SLC24A2: variants seen among roughly 807,000 people sequenced by gnomAD.
The protein encoded by SLC24A2 is solute carrier family 24 member 2.
A neutral mutation model predicts 62.0 loss-of-function variants in SLC24A2; 36 were observed. That is an observed-to-expected ratio of 0.58 (90% CI 0.44 to 0.77). SLC24A2 has a LOEUF of 0.77. Ranked by LOEUF, SLC24A2 falls within the 30% of genes least tolerant of loss-of-function variation. SLC24A2 has a pLI of 0.00. For missense variants in SLC24A2, 846 were observed against 817.9 expected (o/e 1.03, Z -0.42); for synonymous variants, 358 against 294.0 (o/e 1.22, Z -2.23).
the SLC24A2 span, among the ~76,000 whole-genome samples, chr9:19,850,969 A>G: frequency 0.015 from 554 of 36,302 alleles, 24 homozygotes; most frequent in African/African-American, 0.062. Context: ...ATATATATGT[A>G]TATATATATA....
At chr9:19,788,472 G>A in intron 1 of SLC24A2, 1 of 980,738 alleles carries the variant, frequency 1.0e-6, no homozygotes, top group Non-Finnish European at 1.2e-6. Flanking sequence ...TGCCTTGCGT[G>A]GTCCCAAACT....
the SLC24A2 span, among the ~76,000 whole-genome samples, chr9:20,185,084 T>C: frequency 6.6e-6 from 1 of 152,064 alleles, no homozygotes; most frequent in Non-Finnish European, 1.5e-5. Context: ...GTTATCTGTG[T>C]TGAGCAGGGA....
At chr9:19,646,200 G>A (rs553786550) in intron 2 of SLC24A2, among the ~76,000 whole-genome samples, 3 of 152,122 alleles carry the variant, frequency 2.0e-5, no homozygotes, top group African/African-American at 7.2e-5. Flanking sequence ...AGTATGTTCT[G>A]GTGCCTATAA....
At chr9:20,138,595 T>C in the SLC24A2 span, among the ~76,000 whole-genome samples, 1 of 152,208 alleles carries the variant, frequency 6.6e-6, no homozygotes, top group East Asian at 1.9e-4. Flanking sequence ...TTACCTCAGC[T>C]TTGTACGGAA....
At chr9:19,542,764 C>G (rs938798188) in intron 8 of SLC24A2, among the ~76,000 whole-genome samples, 2 of 152,170 alleles carry the variant, frequency 1.3e-5, no homozygotes, top group Non-Finnish European at 1.5e-5. Flanking sequence ...GTTGAACCAG[C>G]CTTGCATCCC....
the SLC24A2 span, among the ~76,000 whole-genome samples, chr9:20,203,748 G>T: frequency 6.6e-6 from 1 of 151,974 alleles, no homozygotes; most frequent in Admixed American, 6.6e-5. Flanking sequence ...AAATTAGCTG[G>T]GTGTGGTGAC....
At chr9:19,964,741 C>T in the SLC24A2 span, among the ~76,000 whole-genome samples, 10 of 152,338 alleles carry the variant, frequency 6.6e-5, no homozygotes, top group East Asian at 1.4e-3. Flanking sequence ...GTGTGTGGGG[C>T]TGCTAACTCA....
chr9:19,870,444 A>T, the SLC24A2 span, among the ~76,000 whole-genome samples: 3 of 152,262 alleles, frequency 2.0e-5, no homozygotes, highest in East Asian at 5.8e-4. Flanking sequence ...CTTTTTAGCT[A>T]TTATGAATAA....
At chr9:20,131,099 G>A in the SLC24A2 span, among the ~76,000 whole-genome samples, 1 of 151,226 alleles carries the variant, frequency 6.6e-6, no homozygotes, top group African/African-American at 2.5e-5. Flanking sequence ...GAAACTTCCT[G>A]TTTATAAAAG....
the SLC24A2 span, among the ~76,000 whole-genome samples, chr9:20,197,519 C>T: frequency 2.0e-5 from 3 of 146,376 alleles, no homozygotes; most frequent in African/African-American, 7.7e-5. Flanking sequence ...GCAGCCTTGA[C>T]CTCCCAGGCT....
chr9:19,794,106 C>T, the SLC24A2 span, among the ~76,000 whole-genome samples: 7 of 152,132 alleles, frequency 4.6e-5, no homozygotes, highest in African/African-American at 1.4e-4. Flanking sequence ...TTGCTTTTGA[C>T]GGAGATTTCT....
At chr9:19,943,265 GA>G in the SLC24A2 span, among the ~76,000 whole-genome samples, 54 of 135,704 alleles carry the variant, frequency 4.0e-4, no homozygotes, top group African/African-American at 1.3e-3. Flanking sequence ...AAAGTTGTAT[GA>G]TGAATGACTT....
intron 8 of SLC24A2, among the ~76,000 whole-genome samples, chr9:19,548,427 G>A (rs1019950102): frequency 6.6e-6 from 1 of 152,060 alleles, no homozygotes; most frequent in Non-Finnish European, 1.5e-5. Context: ...TTCTACTTAT[G>A]CCAACAATAT....
At chr9:20,243,237 C>T in the SLC24A2 span, among the ~76,000 whole-genome samples, 3 of 151,778 alleles carry the variant, frequency 2.0e-5, no homozygotes, top group Admixed American at 1.3e-4. Flanking sequence ...CACCTTCATT[C>T]CCTTCATGGT....
At chr9:19,789,543 C>T (rs946721472), upstream of SLC24A2, among the ~76,000 whole-genome samples, 3 of 152,162 alleles carry the variant, frequency 2.0e-5, no homozygotes, top group Non-Finnish European at 4.4e-5. Context: ...GCAGGGTGAC[C>T]TTTCATTTCA....
chr9:20,254,591 A>G, the SLC24A2 span, among the ~76,000 whole-genome samples: 1 of 152,108 alleles, frequency 6.6e-6, no homozygotes, highest in African/African-American at 2.4e-5. Context: ...TGAAGGGAGG[A>G]GAAGGGTAAC....
chr9:19,548,430 A>AT (rs1834686731), intron 8 of SLC24A2, among the ~76,000 whole-genome samples: 2 of 152,198 alleles, frequency 1.3e-5, no homozygotes, highest in Non-Finnish European at 2.9e-5. Context: ...TACTTATGCC[A>AT]ACAATATACA....
chr9:20,213,942 G>A, the SLC24A2 span, among the ~76,000 whole-genome samples: 2 of 152,122 alleles, frequency 1.3e-5, no homozygotes, highest in Non-Finnish European at 2.9e-5. Flanking sequence ...ACATGCCCAT[G>A]TAAGCGGCAT....
At chr9:19,713,896 C>A (rs1394168000) in intron 2 of SLC24A2, among the ~76,000 whole-genome samples, 2 of 151,938 alleles carry the variant, frequency 1.3e-5, no homozygotes, top group Non-Finnish European at 2.9e-5. Flanking sequence ...AAAGAAATTA[C>A]AAGCACCAAG....
Sources: allele counts gnomAD v4.1 joint callset (sites outside exome capture counted in the v4.1 genomes callset), GRCh38; gene constraint gnomAD v4.1.1; transcripts MANE v1.5; gene names NCBI Gene and HGNC (gene_info 2026-07-23, HGNC 2026-07-21).